The following SCAF8 variants were observed in gnomAD, a reference collection of about 807,000 sequenced individuals.
SCAF8 encodes the protein SR-related CTD associated factor 8.
In SCAF8, 23 loss-of-function variants were observed where a neutral mutation model predicts 140.5. That is an observed-to-expected ratio of 0.16 (90% CI 0.12 to 0.23). SCAF8 has a LOEUF of 0.23. Among genes scored for constraint, SCAF8 ranks in the 10% least tolerant of loss-of-function variants. The pLI is 1.00. For missense variants in SCAF8, 1,397 were observed against 1,555.7 expected (o/e 0.90, Z 1.72); for synonymous variants, 575 against 528.9 (o/e 1.09, Z -1.20).
intron 1 of SCAF8, among the ~76,000 whole-genome samples, chr6:154,744,663 C>A (rs964006220): frequency 1.3e-5 from 2 of 152,142 alleles, no homozygotes; most frequent in Non-Finnish European, 2.9e-5. Context: ...TAAAGGGGAA[C>A]CATCATTCAA....
chr6:154,756,580 T>G (rs1172663855), intron 1 of SCAF8, among the ~76,000 whole-genome samples: 1 of 152,196 alleles, frequency 6.6e-6, no homozygotes, highest in Non-Finnish European at 1.5e-5. Flanking sequence ...GTCTAGTTGT[T>G]TTTAGTTGAT....
intron 2 of SCAF8, among the ~76,000 whole-genome samples, chr6:154,776,311 GTATA>G (rs751835442): frequency 9.8e-6 from 1 of 101,546 alleles, no homozygotes; most frequent in Non-Finnish European, 2.0e-5. Context: ...ATATATATAT[GTATA>G]TATATAAACA....
At chr6:154,808,631 A>G (rs531090643) in intron 10 of SCAF8, 55 bp from the exon 11 acceptor site, 5 of 1,108,726 alleles carry the variant, frequency 4.5e-6, no homozygotes, top group East Asian at 2.4e-5. Flanking sequence ...TTGTCAATGT[A>G]TAACTCTGTC....
At chr6:154,781,442 T>C (rs1224508156) in intron 3 of SCAF8, among the ~76,000 whole-genome samples, 1 of 152,188 alleles carries the variant, frequency 6.6e-6, no homozygotes, top group African/African-American at 2.4e-5. Flanking sequence ...TAAATGGTAT[T>C]CCCATAAACT....
At chr6:154,744,162 G>A (rs894071811) in intron 1 of SCAF8, among the ~76,000 whole-genome samples, 1 of 151,996 alleles carries the variant, frequency 6.6e-6, no homozygotes, top group Non-Finnish European at 1.5e-5. Context: ...GCGTGGTGGC[G>A]TGCACCTGTA....
chr6:154,828,435 C>G (rs1778630742), intron 18 of SCAF8, among the ~76,000 whole-genome samples: 2 of 151,978 alleles, frequency 1.3e-5, no homozygotes, highest in Admixed American at 6.6e-5. Context: ...CTTCTCCTCC[C>G]TTGTCCCTCT....
intron 18 of SCAF8, among the ~76,000 whole-genome samples, chr6:154,830,424 A>C (rs2114696195): frequency 6.6e-6 from 1 of 152,304 alleles, no homozygotes; most frequent in African/African-American, 2.4e-5. Flanking sequence ...TAAGATGGAA[A>C]GTTTATAGCT....
chr6:154,812,625 A>G (rs1410694169), intron 12 of SCAF8, among the ~76,000 whole-genome samples: 1 of 152,130 alleles, frequency 6.6e-6, no homozygotes, highest in South Asian at 2.1e-4. Context: ...AACATATGGT[A>G]GTGTTTTCAT....
At chr6:154,759,139 A>G (rs1449541772) in intron 1 of SCAF8, among the ~76,000 whole-genome samples, 1 of 152,074 alleles carries the variant, frequency 6.6e-6, no homozygotes, top group Non-Finnish European at 1.5e-5. Context: ...TTACTCAGGT[A>G]GTTGCTTTTT....
chr6:154,779,937 T>G (rs1777037447), intron 3 of SCAF8, among the ~76,000 whole-genome samples: 1 of 152,132 alleles, frequency 6.6e-6, no homozygotes, highest in African/African-American at 2.4e-5. Flanking sequence ...TGTAGTAAAA[T>G]ATTACAATCA....
At chr6:154,794,772 GTGT>G (rs1257003104) in intron 5 of SCAF8, among the ~76,000 whole-genome samples, 225 of 26,214 alleles carry the variant, frequency 8.6e-3, no homozygotes, top group East Asian at 0.016. Context: ...GGGGGGGGGG[GTGT>G]GGGGGGTGTG....
At chr6:154,827,547 C>T (rs943140353) in intron 18 of SCAF8, among the ~76,000 whole-genome samples, 1 of 152,086 alleles carries the variant, frequency 6.6e-6, no homozygotes, top group African/African-American at 2.4e-5. Flanking sequence ...CCCCAGTCCT[C>T]CCTTCCTTTT....
intron 13 of SCAF8, among the ~76,000 whole-genome samples, chr6:154,816,066 T>G (rs1778239692): frequency 6.6e-6 from 1 of 152,230 alleles, no homozygotes; most frequent in Admixed American, 6.5e-5. Flanking sequence ...GCTTGATTCC[T>G]GACATCATCA....
At chr6:154,777,164 G>C (rs1380778375) in intron 2 of SCAF8, among the ~76,000 whole-genome samples, 4 of 151,738 alleles carry the variant, frequency 2.6e-5, no homozygotes, top group South Asian at 2.1e-4. Context: ...CTGGGTGACA[G>C]AGTGAGAGTG....
chr6:154,775,222 G>GT (rs1277160239), intron 2 of SCAF8, among the ~76,000 whole-genome samples: 1 of 152,128 alleles, frequency 6.6e-6, no homozygotes, highest in Non-Finnish European at 1.5e-5. Flanking sequence ...GTTAAAATCA[G>GT]TGTACTTCCA....
intron 13 of SCAF8, among the ~76,000 whole-genome samples, chr6:154,817,612 G>A (rs1028545032): frequency 6.6e-6 from 1 of 152,004 alleles, no homozygotes; most frequent in Non-Finnish European, 1.5e-5. Context: ...AGAATGTCAA[G>A]GTTTAGATAT....
chr6:154,817,108 G>A (rs1778274771), intron 13 of SCAF8, among the ~76,000 whole-genome samples: 1 of 151,152 alleles, frequency 6.6e-6, no homozygotes, highest in African/African-American at 2.5e-5. Flanking sequence ...GTTTCTTTCT[G>A]ATTTACCCCT....
intron 3 of SCAF8, among the ~76,000 whole-genome samples, chr6:154,785,810 A>G (rs1239544872): frequency 1.3e-5 from 2 of 152,226 alleles, no homozygotes; most frequent in African/African-American, 2.4e-5. Context: ...AATCATGCAA[A>G]TATACTTAAA....
chr6:154,797,641 G>A (rs1267943905), intron 6 of SCAF8, among the ~76,000 whole-genome samples: 5 of 151,126 alleles, frequency 3.3e-5, no homozygotes, highest in South Asian at 2.1e-4. Context: ...TGATCTGCCC[G>A]CCTCTGCCTC....
Sources: gnomAD v4.1 joint callset for allele counts (sites outside exome capture counted in the v4.1 genomes callset) on GRCh38, gnomAD v4.1.1 for gene constraint, MANE v1.5 for transcripts, NCBI Gene and HGNC (gene_info 2026-07-23, HGNC 2026-07-21) for gene names.